Variants in ELF3 observed in about 807,000 individuals in gnomAD.
ELF3 encodes the protein ETS-related transcription factor Elf-3.
A neutral mutation model predicts 43.9 loss-of-function variants in ELF3; 18 were observed. The observed-to-expected ratio is 0.41, with a 90% CI of 0.28 to 0.61. The LOEUF is 0.61. ELF3 is among the 20% of genes least tolerant of loss of function. The pLI is 0.30. For missense variants in ELF3, 373 were observed against 487.7 expected (o/e 0.76, Z 2.21); for synonymous variants, 181 against 190.2 (o/e 0.95, Z 0.40).
intron 2 of ELF3, 152 bp downstream of exon 2, chr1:202,011,451 G>A (rs773490949): frequency 5.4e-5 from 54 of 993,020 alleles, no homozygotes; most frequent in Non-Finnish European, 7.3e-5. Flanking sequence ...GCTGGGGGTT[G>A]TGGGGCTGTG....
At position 202,012,307 on chromosome 1, in the gene ELF3, A is replaced by T; in HGVS notation, c.386-37A>T. ...GCCAGAGAGAGCCCTTGAGGGAGGG[A>T]TTAGGGGAGTGTGACCCTTCCTTCC... On this transcript the variant is annotated intron_variant, in intron 3 of 8. Coordinates refer to ENST00000367284, the MANE Select transcript of ELF3 (RefSeq NM_004433.5). This position sits in a 1 kb window ranked among gnomAD's most constrained non-coding sequence, Gnocchi z 4.2. 1 of 1,612,412 alleles carries T rather than the reference A, an allele frequency of 6.2e-7. No homozygotes were observed. Among genetic ancestry groups the T allele is most frequent in the Non-Finnish European group, 8.5e-7 (1 of 1,178,976 alleles).
chr1:202,014,946 C>T, intron 8 of ELF3: 1 of 410,016 alleles, frequency 2.4e-6, no homozygotes, highest in Non-Finnish European at 4.6e-6. Flanking sequence ...TGATCAGACC[C>T]CAGTCACAGC....
rs1448177150 is a variant in ELF3 at position 202,015,495 on chromosome 1, T to C, written c.*172T>C. 1.5e-5 allele frequency: 10 copies of C among 649,064 alleles called. No homozygotes were observed. Among genetic ancestry groups the C allele is most frequent in the Middle Eastern group, 4.2e-4 (1 of 2,354 alleles). The allele number at this position is 649,064 out of a possible 1,614,324, so 40.2% of individuals were successfully genotyped here. ...AGCCATCGTCCTGGGACTCGGAGAC[T>C]ATGGCCTCGCCTCCCCACCCTCCTC... On this transcript the variant is annotated 3_prime_UTR_variant, in exon 9 of 9. Coordinates refer to ENST00000367284, the MANE Select transcript of ELF3 (RefSeq NM_004433.5).
In ELF3 at chr1:202,013,010, C is replaced by T; in HGVS notation, c.662C>T (p.Pro221Leu). 1 of 1,613,846 alleles carries T rather than the reference C, an allele frequency of 6.2e-7. No individual in the cohort carries two copies. Among genetic ancestry groups the T allele is most frequent in the Non-Finnish European group, 8.5e-7 (1 of 1,179,868 alleles). Residue 221 changes from proline (P) to leucine (L), a missense_variant, in exon 6 of 9, where the codon CCC becomes CTC. Around this residue, in one of 3 missense-constraint regions of ELF3, gnomAD observed 311 missense variants for 351.2 expected, o/e 0.89. Coordinates refer to ENST00000367284, the MANE Select transcript of ELF3 (RefSeq NM_004433.5). The surrounding 1 kb of genome is among the most constrained non-coding windows in gnomAD (Gnocchi z 5.7). ...GGTGGAAGTGACGTGGACCTGGATC[C>T]CACTGATGGCAAGCTCTTCCCCAGC... ...DSGGSDVDLD[P>L]TDGKLFPSDG...
chr1:202,015,162 G>T, intron 8 of ELF3, 47 bp from the exon 9 acceptor site: 1 of 1,603,012 alleles, frequency 6.2e-7, no homozygotes, highest in East Asian at 2.2e-5. Context: ...GCAGCCTGGG[G>T]CCCATTTCCT....
chr1:202,013,200 A>G lies in ELF3; in HGVS notation c.707A>G (p.Lys236Arg). 2 of 1,614,042 alleles carry G rather than the reference A, an allele frequency of 1.2e-6. No individual in the cohort carries two copies. Among genetic ancestry groups the G allele is most frequent in the South Asian group, 1.1e-5 (1 of 91,066 alleles). The part of the protein sequence containing the change: ...LFPSDGFRDC[K>R]KGDPKHGKRK... Reference sequence around the variant, plus strand: ...CCCACAGATGGTTTTCGTGACTGCAAGAAGGGGGATCCCAAGCACGGGAAG... The same window carrying G: ...CCCACAGATGGTTTTCGTGACTGCAGGAAGGGGGATCCCAAGCACGGGAAG... The change falls in exon 7 of 9, where the codon AAG (lysine) becomes AGG (arginine). Residue 236 changes from lysine (K) to arginine (R), a missense_variant. This residue lies in a region of ELF3 where 311 missense variants were observed against 351.2 expected (regional missense o/e 0.89). Coordinates refer to ENST00000367284, the MANE Select transcript of ELF3 (RefSeq NM_004433.5). This position sits in a 1 kb window ranked among gnomAD's most constrained non-coding sequence, Gnocchi z 5.7.
At position 202,013,822 on chromosome 1, in the gene ELF3, C is replaced by T. The variant is rs374278687; in HGVS notation, c.806-7C>T. On this transcript the variant is annotated splice_polypyrimidine_tract_variant and splice_region_variant and intron_variant, in intron 7 of 8. Coordinates refer to ENST00000367284, the MANE Select transcript of ELF3 (RefSeq NM_004433.5). The surrounding 1 kb of genome is among the most constrained non-coding windows in gnomAD (Gnocchi z 5.7). Reference sequence around the variant, plus strand: ...GGATGGCAAACTGATGGAGGCTGGCCTTGCAGCGCCCAGAGGCACCCACCT... The same window carrying T: ...GGATGGCAAACTGATGGAGGCTGGCTTTGCAGCGCCCAGAGGCACCCACCT... 7.2e-5 allele frequency: 115 copies of T among 1,606,106 alleles called. No homozygotes were observed. The highest frequency in any genetic ancestry group is 9.6e-5 in the Non-Finnish European group (113 of 1,174,196).
chr1:202,011,718 A>C, intron 2 of ELF3: 1 of 492,862 alleles, frequency 2.0e-6, no homozygotes, highest in Non-Finnish European at 3.6e-6. Flanking sequence ...CTAAAAATAC[A>C]AAAAAAAATT....
chr1:202,015,390 C>G lies in ELF3; in HGVS notation c.*67C>G. 1 of 1,504,408 alleles carries G rather than the reference C, an allele frequency of 6.6e-7. No homozygotes were observed. Among genetic ancestry groups the G allele is most frequent in the Non-Finnish European group, 9.2e-7 (1 of 1,092,552 alleles). The allele number at this position is 1,504,408 out of a possible 1,614,324, so 93.2% of individuals were successfully genotyped here. ...AGGCCTGCAAACCTTCCTGGGAGGA[C>G]AGGCAGGCCAGATGGCCCCTCCACT... On this transcript the variant is annotated 3_prime_UTR_variant, in exon 9 of 9. Transcript: ENST00000367284.
chr1:202,011,242 G>A lies in ELF3; in HGVS notation c.106G>A (p.Gly36Arg). 1.2e-6 allele frequency: 2 copies of A among 1,612,940 alleles called. No individual in the cohort carries two copies. The highest frequency in any genetic ancestry group is 1.7e-6 in the Non-Finnish European group (2 of 1,179,370). Reference protein sequence around the residue: ...LASVPPAATFGADDLVLTLSN... With the variant: ...LASVPPAATFRADDLVLTLSN... ...CTCTGTTCCCCCTGCTGCCACCTTT[G>A]GGGCCGATGACTTGGTACTGACCCT... is the stretch of plus-strand genomic sequence containing the variant. The change falls in exon 2 of 9, where the codon GGG becomes AGG. Residue 36 changes from glycine to arginine, a missense_variant. Gly to Arg is a moderately radical substitution (Grantham distance 125, BLOSUM62 -2). Around this residue, in one of 3 missense-constraint regions of ELF3, gnomAD observed 311 missense variants for 351.2 expected, o/e 0.89. Transcript: ENST00000367284.
chr1:202,013,030 C>G lies in ELF3; in HGVS notation c.682C>G (p.Pro228Ala). ...DLDPTDGKLFPSDGFRDCKKG... is the reference protein window; with the variant it reads ...DLDPTDGKLFASDGFRDCKKG... ...GGATCCCACTGATGGCAAGCTCTTC[C>G]CCAGCGGTGAGTCGAGGGAGGTCCC... is the stretch of plus-strand genomic sequence containing the variant. Residue 228 changes from proline to alanine, a missense_variant, in exon 6 of 9, where the codon CCC becomes GCC. By Grantham distance (27) the Pro-to-Ala change is conservative. This residue lies in a region of ELF3 where 311 missense variants were observed against 351.2 expected (regional missense o/e 0.89). Transcript: ENST00000367284. The surrounding 1 kb of genome is among the most constrained non-coding windows in gnomAD (Gnocchi z 5.7). 6.2e-7 allele frequency: 1 copy of G among 1,613,268 alleles called. No homozygotes were observed. The highest frequency in any genetic ancestry group is 8.5e-7 in the Non-Finnish European group (1 of 1,179,554).
rs1684300537 is a variant in ELF3 at position 202,015,878 on chromosome 1, A to T, written c.*555A>T. ...ATTCCCCTCCCCACTCCTCTCCCACAGAGTGCTGGACTGTTCCAGGCCCTC... is the reference window on the plus strand; with the variant it reads ...ATTCCCCTCCCCACTCCTCTCCCACTGAGTGCTGGACTGTTCCAGGCCCTC... On this transcript the variant is annotated 3_prime_UTR_variant, in exon 9 of 9. Transcript: ENST00000367284. 1 of 160,008 alleles carries T rather than the reference A, an allele frequency of 6.2e-6. No individual in the cohort carries two copies. Among genetic ancestry groups the T allele is most frequent in the South Asian group, 1.8e-4 (1 of 5,622 alleles). 9.9% of individuals were successfully genotyped at this position (160,008 alleles called of 1,614,324 possible).
rs1558274331 is a variant in ELF3, at chr1:202,013,478, T to C, written c.805+180T>C. Among the ~76,000 whole-genome samples, 1 of 152,138 alleles carries C rather than the reference T, an allele frequency of 6.6e-6. No individual in the cohort carries two copies. The highest frequency in any genetic ancestry group is 1.5e-5 in the Non-Finnish European group (1 of 68,030). ...TCACCACCTAATTGCAGAGCCTGGC[T>C]TGGTGGTCCTGGAGAGGAGGAGGAA... On this transcript the variant is annotated intron_variant, in intron 7 of 8. Transcript: ENST00000367284. The surrounding 1 kb of genome is among the most constrained non-coding windows in gnomAD (Gnocchi z 5.7).
In ELF3 at chr1:202,012,632, C is replaced by A; in HGVS notation, c.479-8C>A. On this transcript the variant is annotated splice_region_variant and splice_polypyrimidine_tract_variant and intron_variant, in intron 4 of 8. Transcript: ENST00000367284. This position sits in a 1 kb window ranked among gnomAD's most constrained non-coding sequence, Gnocchi z 4.2. The stretch of plus-strand genomic sequence containing the variant: ...AGCCCTCTCTGAGTTCTCACCTCCT[C>A]TTCCCAGACCAGGGCAGCCCCTTTG... 6.3e-7 allele frequency: 1 copy of A among 1,581,080 alleles called. No homozygotes were observed. Among genetic ancestry groups the A allele is most frequent in the Non-Finnish European group, 8.6e-7 (1 of 1,162,804 alleles).
intron 2 of ELF3, chr1:202,011,630 G>T: frequency 2.2e-6 from 1 of 458,228 alleles, no homozygotes; most frequent in Non-Finnish European, 3.9e-6. Flanking sequence ...CCAGCACTTT[G>T]GGAGGCTGAG....
rs956337324 is a variant in ELF3 at position 202,016,085 on chromosome 1, A to C, written c.*762A>C. 4.6e-5 allele frequency: 7 copies of C among 152,370 alleles called. No individual in the cohort carries two copies. The highest frequency in any genetic ancestry group is 1.9e-4 in the East Asian group (1 of 5,196). The allele number at this position is 152,370 out of a possible 1,614,324, so 9.4% of individuals were successfully genotyped here. ...CAAGAGGTTGGAGGGGAGGAAAATG[A>C]AGGTCTACCAGGCTGAGGGTGAGGG... On this transcript the variant is annotated 3_prime_UTR_variant, in exon 9 of 9. Transcript: ENST00000367284.
intron 8 of ELF3, among the ~76,000 whole-genome samples, chr1:202,014,483 A>G (rs1180771997): frequency 6.6e-6 from 1 of 152,046 alleles, no homozygotes; most frequent in African/African-American, 2.4e-5. Flanking sequence ...AAATAGAGGC[A>G]AGGGTCTCTA....
intron 2 of ELF3, chr1:202,011,727 T>A: frequency 1.5e-5 from 8 of 548,578 alleles, no homozygotes; most frequent in Non-Finnish European, 1.9e-5. Context: ...CAAAAAAAAA[T>A]TTATCCCAGC....
Position 202,016,916 on chromosome 1 carries a change from G to T in ELF3, c.*1593G>T, listed in dbSNP as rs1007229875. On this transcript the variant is annotated 3_prime_UTR_variant, in exon 9 of 9. Coordinates refer to ENST00000367284, the MANE Select transcript of ELF3 (RefSeq NM_004433.5). ...CCGTTTCCCGGAAGCTTTTCCTGGTGTGGGCGCTTCTAACCTAATCCTCAA... is the reference window on the plus strand; with the variant it reads ...CCGTTTCCCGGAAGCTTTTCCTGGTTTGGGCGCTTCTAACCTAATCCTCAA... The T allele has an allele frequency of 3.9e-5, 6 of 152,186 alleles. No homozygotes were observed. The highest frequency in any genetic ancestry group is 7.2e-5 in the African/African-American group (3 of 41,456). The allele number at this position is 152,186 out of a possible 1,614,324, so 9.4% of individuals were successfully genotyped here.
Sources: allele counts gnomAD v4.1 joint callset (sites outside exome capture counted in the v4.1 genomes callset), GRCh38; gene constraint gnomAD v4.1.1; regional missense constraint gnomAD v4.1.1; non-coding constraint Gnocchi (gnomAD v3.1); transcripts MANE v1.5; gene names NCBI Gene and HGNC (gene_info 2026-07-23, HGNC 2026-07-21).